IQSEC1: variants seen among roughly 807,000 people sequenced by gnomAD.
The protein encoded by IQSEC1 is IQ motif and SEC7 domain-containing protein 1.
IQSEC1 carries 31 observed loss-of-function variants against 91.0 expected under a neutral mutation model. That is an observed-to-expected ratio of 0.34 (90% CI 0.26 to 0.46). IQSEC1 has a LOEUF of 0.46. Ranked by LOEUF, IQSEC1 falls within the 20% of genes least tolerant of loss-of-function variation. IQSEC1 has a pLI of 1.00. For synonymous variants in IQSEC1, 699 were observed against 662.6 expected, an observed-to-expected ratio of 1.05 and a Z score of -0.84; for missense variants, 1,388 against 1,575.6, an observed-to-expected ratio of 0.88 and a Z score of 2.02.
At chr3:12,955,922 C>G (rs560550639) in intron 1 of IQSEC1, among the ~76,000 whole-genome samples, 77 of 152,272 alleles carry the variant, frequency 5.1e-4, no homozygotes, top group Middle Eastern at 6.8e-3. Flanking sequence ...ACTGGCAGCC[C>G]CTGGCCCAAC....
intron 1 of IQSEC1, among the ~76,000 whole-genome samples, chr3:12,962,848 G>A (rs1297853545): frequency 2.0e-5 from 3 of 152,372 alleles, no homozygotes; most frequent in African/African-American, 7.2e-5. Context: ...AAGGCCCGGT[G>A]AGTGGTCATC....
At chr3:13,154,440 T>C (rs7640684) in intron 2 of IQSEC1, among the ~76,000 whole-genome samples, 2,134 of 20,416 alleles carry the variant, frequency 0.1, 237 homozygotes, top group East Asian at 0.29. Context: ...CTTACATGCA[T>C]ATATATATAT....
intron 1 of IQSEC1, among the ~76,000 whole-genome samples, chr3:13,263,994 G>A (rs1695440660): frequency 6.6e-6 from 1 of 152,218 alleles, no homozygotes; most frequent in African/African-American, 2.4e-5. Flanking sequence ...CTTCCAACGT[G>A]CACAAGCCAG....
chr3:13,064,085 A>T (rs1443557291), intron 1 of IQSEC1, among the ~76,000 whole-genome samples: 1 of 151,746 alleles, frequency 6.6e-6, no homozygotes, highest in African/African-American at 2.4e-5. Flanking sequence ...AAACTATAGG[A>T]TCCATCACTA....
chr3:13,105,620 T>C (rs1576252478), intron 2 of IQSEC1, among the ~76,000 whole-genome samples: 1 of 152,002 alleles, frequency 6.6e-6, no homozygotes, highest in East Asian at 1.9e-4. Flanking sequence ...TGCCCCTCCA[T>C]CCCCTCCTCT....
At chr3:12,938,770 C>T (rs562705821) in intron 2 of IQSEC1, among the ~76,000 whole-genome samples, 26 of 152,260 alleles carry the variant, frequency 1.7e-4, no homozygotes, top group South Asian at 4.2e-4. Context: ...CTGCTGGCTC[C>T]GGACCTCGCA....
At chr3:12,946,031 C>A (rs1186108986) in intron 1 of IQSEC1, among the ~76,000 whole-genome samples, 1 of 152,224 alleles carries the variant, frequency 6.6e-6, no homozygotes, top group African/African-American at 2.4e-5. Flanking sequence ...CTTCCTGGGG[C>A]AGGAAGAACT....
At chr3:13,181,896 C>T (rs1259707929) in intron 1 of IQSEC1, among the ~76,000 whole-genome samples, 2 of 152,244 alleles carry the variant, frequency 1.3e-5, no homozygotes, top group East Asian at 3.8e-4. Context: ...ATTTCCACCA[C>T]CAGAATGTGA....
chr3:13,055,708 C>A (rs1310296480), intron 1 of IQSEC1, among the ~76,000 whole-genome samples: 3 of 152,228 alleles, frequency 2.0e-5, no homozygotes, highest in Admixed American at 6.5e-5. Context: ...GGGCTGCCCC[C>A]ACTAACCCGG....
At chr3:13,114,937 C>T (rs1248512410) in intron 2 of IQSEC1, among the ~76,000 whole-genome samples, 2 of 152,070 alleles carry the variant, frequency 1.3e-5, no homozygotes, top group Non-Finnish European at 2.9e-5. Context: ...GGCCCATGCA[C>T]GGTTCAGGAG....
intron 1 of IQSEC1, among the ~76,000 whole-genome samples, chr3:13,225,646 TG>T (rs1414678158): frequency 1.3e-5 from 2 of 152,174 alleles, no homozygotes; most frequent in Non-Finnish European, 2.9e-5. Flanking sequence ...ATCCCTGCCA[TG>T]AAGAAACTCA....
intron 1 of IQSEC1, among the ~76,000 whole-genome samples, chr3:13,063,154 C>G (rs1559244372): frequency 2.6e-5 from 4 of 152,124 alleles, no homozygotes; most frequent in Admixed American, 2.6e-4. Flanking sequence ...CTCAGAGAGC[C>G]GACACCACGC....
chr3:13,097,950 A>C (rs60783798), intron 2 of IQSEC1, among the ~76,000 whole-genome samples: 3,030 of 152,308 alleles, frequency 0.02, 110 homozygotes, highest in African/African-American at 0.068. Flanking sequence ...CTGGACACTT[A>C]AAGCCCTGGC....
At chr3:13,204,149 C>T (rs1694297001) in intron 1 of IQSEC1, among the ~76,000 whole-genome samples, 1 of 152,260 alleles carries the variant, frequency 6.6e-6, no homozygotes, top group South Asian at 2.1e-4. Flanking sequence ...GGGAAGACGC[C>T]AAGCCCAGGG....
chr3:13,101,418 C>CAAAAAAAAAAAAAAAAAAAAA (rs1706061076), intron 2 of IQSEC1, among the ~76,000 whole-genome samples: 2 of 104,022 alleles, frequency 1.9e-5, no homozygotes, highest in African/African-American at 8.4e-5. Flanking sequence ...GATTCCATCT[C>CAAAAAAAAAAAAAAAAAAAAA]CAAAAAAAAA....
chr3:12,935,306 A>G lies in IQSEC1; in HGVS notation c.1568+142T>C, dbSNP rs1575964372. On this transcript the variant is annotated intron_variant, in intron 3 of 13. Coordinates refer to ENST00000613206, the MANE Select transcript of IQSEC1 (RefSeq NM_001134382.3). The surrounding 1 kb of genome is among the most constrained non-coding windows in gnomAD (Gnocchi z 8.0). ...CGCACAGGCTGGCACCGTCCTAGCCACCGACCTTGTGTGGCAGCTTCCTAT... is the reference window on the plus strand; with the variant it reads ...CGCACAGGCTGGCACCGTCCTAGCCGCCGACCTTGTGTGGCAGCTTCCTAT... 8.8e-6 allele frequency: 7 copies of G among 791,824 alleles called. No individual in the cohort carries two copies. The East Asian group carries it at 1.3e-4, about 15-fold the overall frequency. The allele number at this position is 791,824 out of a possible 1,614,324, so 49.0% of individuals were successfully genotyped here. A position where few individuals can be genotyped will look rare whatever the true frequency, so the allele number is the denominator to read the frequency against.
intron 5 of IQSEC1, among the ~76,000 whole-genome samples, chr3:12,920,967 G>C (rs995783657): frequency 3.9e-5 from 6 of 152,176 alleles, no homozygotes; most frequent in Admixed American, 2.0e-4. Flanking sequence ...TGGGTGTCAG[G>C]CCTGCCCTCC....
intron 1 of IQSEC1, among the ~76,000 whole-genome samples, chr3:12,978,425 G>GCGGTGGCTCACACCTGTAAT (rs1252174317): frequency 6.6e-6 from 1 of 152,166 alleles, no homozygotes; most frequent in Admixed American, 6.5e-5. Context: ...AGGGCCGGGC[G>GCGGTGGCTCACACCTGTAAT]CGGTGGCTCA....
At chr3:12,998,691 G>A (rs1392158783) in intron 1 of IQSEC1, among the ~76,000 whole-genome samples, 1 of 152,146 alleles carries the variant, frequency 6.6e-6, no homozygotes, top group Non-Finnish European at 1.5e-5. Context: ...AATATCTGCT[G>A]GTACCTGCAT....
Sources: gnomAD v4.1 joint callset for allele counts (sites outside exome capture counted in the v4.1 genomes callset) on GRCh38, gnomAD v4.1.1 for gene constraint, Gnocchi (gnomAD v3.1) non-coding constraint, MANE v1.5 for transcripts, NCBI Gene and HGNC (gene_info 2026-07-23, HGNC 2026-07-21) for gene names.